Variants in EYS observed in about 807,000 individuals in gnomAD.
EYS encodes EGF-like photoreceptor maintenance factor.
A neutral mutation model predicts 282.1 loss-of-function variants in EYS; 250 were observed. The ratio of observed to expected loss-of-function variants is 0.89; its 90% confidence interval spans 0.80 to 0.98. The LOEUF (loss-of-function observed/expected upper bound fraction) is 0.98. Ranked by LOEUF, EYS falls within the 50% of genes least tolerant of loss-of-function variation. The pLI is 0.00. For synonymous variants in EYS, 1,355 were observed against 1,282.9 expected, an observed-to-expected ratio of 1.06 and a Z score of -1.20; for missense variants, 4,016 against 3,709.0, an observed-to-expected ratio of 1.08 and a Z score of -2.15.
intron 35 of EYS, among the ~76,000 whole-genome samples, chr6:63,974,722 A>G (rs1228038238): frequency 2.0e-5 from 3 of 152,004 alleles, no homozygotes; most frequent in Non-Finnish European, 2.9e-5. Flanking sequence ...AAGGAACACA[A>G]TTTCTTCACA....
At chr6:64,437,171 C>G (rs779531746) in intron 27 of EYS, among the ~76,000 whole-genome samples, 1 of 151,486 alleles carries the variant, frequency 6.6e-6, no homozygotes, top group Admixed American at 6.6e-5. Context: ...TTTAAAAACT[C>G]CAATAAGAAG....
At chr6:63,867,375 C>G (rs183214304) in intron 35 of EYS, among the ~76,000 whole-genome samples, 1 of 151,952 alleles carries the variant, frequency 6.6e-6, no homozygotes, top group Non-Finnish European at 1.5e-5. Context: ...ACATAGAAAC[C>G]TTTTTTTGGA....
rs190289336 is a variant in EYS, at chr6:65,528,361, C to A, written c.-332-32368G>T. Among the ~76,000 whole-genome samples the A allele has an allele frequency of 3.4e-4, 52 of 152,236 alleles. No individual in the cohort carries two copies. The East Asian group carries it at 6.0e-3, about 18-fold the overall frequency. On this transcript the variant is annotated intron_variant, in intron 2 of 42. Coordinates refer to ENST00000503581, the MANE Select transcript of EYS (RefSeq NM_001142800.2). ...AGACAAAATGTATTTGCTGTGCAGG[C>A]TGGGTGTCCTGGTTACAATGAGGAT...
At chr6:65,153,394 T>C (rs568262653) in intron 12 of EYS, among the ~76,000 whole-genome samples, 2 of 151,374 alleles carry the variant, frequency 1.3e-5, no homozygotes, top group African/African-American at 4.8e-5. Context: ...TGTGTGTGTG[T>C]GTGTGTGTGT....
chr6:64,334,670 G>A (rs1770776665), intron 29 of EYS, among the ~76,000 whole-genome samples: 1 of 152,150 alleles, frequency 6.6e-6, no homozygotes, highest in Non-Finnish European at 1.5e-5. Flanking sequence ...ACCCAGAGGA[G>A]AGATGTTATT....
intron 14 of EYS, among the ~76,000 whole-genome samples, chr6:64,962,685 C>T (rs1352082610): frequency 6.6e-6 from 1 of 151,982 alleles, no homozygotes; most frequent in Non-Finnish European, 1.5e-5. Context: ...GAGTTTGAGG[C>T]TGCAATGAGC....
intron 13 of EYS, among the ~76,000 whole-genome samples, chr6:65,013,265 A>C (rs189448419): frequency 6.6e-6 from 1 of 152,274 alleles, no homozygotes. Context: ...TGTATATGAG[A>C]AAATACTCAT....
intron 41 of EYS, among the ~76,000 whole-genome samples, chr6:63,735,942 C>A (rs1193307923): frequency 6.6e-6 from 1 of 152,140 alleles, no homozygotes; most frequent in African/African-American, 2.4e-5. Flanking sequence ...ACCATGTAAT[C>A]TTTGTAGAAA....
chr6:64,867,191 T>A (rs1766448858), intron 19 of EYS, among the ~76,000 whole-genome samples: 1 of 151,044 alleles, frequency 6.6e-6, no homozygotes, highest in South Asian at 2.1e-4. Flanking sequence ...ATGACCGATT[T>A]CCTACAAACT....
intron 26 of EYS, among the ~76,000 whole-genome samples, chr6:64,589,803 T>C (rs768164104): frequency 1.3e-5 from 2 of 152,030 alleles, no homozygotes; most frequent in Non-Finnish European, 2.9e-5. Context: ...AAAGTTCCAG[T>C]GATTTCCTCT....
intron 31 of EYS, among the ~76,000 whole-genome samples, chr6:64,086,966 G>T (rs1772176393): frequency 6.6e-6 from 1 of 152,106 alleles, no homozygotes; most frequent in Non-Finnish European, 1.5e-5. Context: ...AATGATAGAA[G>T]AAAAGCCATA....
In EYS at chr6:65,553,556, A is replaced by G. The variant is rs1582448134; in HGVS notation, c.-332-57563T>C. On this transcript the variant is annotated intron_variant, in intron 2 of 42. Coordinates refer to ENST00000503581, the MANE Select transcript of EYS (RefSeq NM_001142800.2). ...GGAAATCATATTAATAGGAAAAAAA[A>G]GTTTACCTATGAGACTTTTGTTATT... is the stretch of plus-strand genomic sequence containing the variant. Among the ~76,000 whole-genome samples the G allele has an allele frequency of 2.6e-5, 4 of 152,148 alleles. 1 individual carries two copies. The South Asian group carries it at 8.3e-4, about 32-fold the overall frequency.
At chr6:64,720,910 AGC>A (rs1771556965) in intron 22 of EYS, among the ~76,000 whole-genome samples, 1 of 152,188 alleles carries the variant, frequency 6.6e-6, no homozygotes. Context: ...TTTTTATGAA[AGC>A]CTAAAATATG....
At chr6:64,094,663 C>T (rs986620696) in intron 31 of EYS, among the ~76,000 whole-genome samples, 1 of 152,052 alleles carries the variant, frequency 6.6e-6, no homozygotes, top group Non-Finnish European at 1.5e-5. Context: ...CTGTATTAAT[C>T]TTGCTAGTGG....
At chr6:64,538,185 A>T (rs932233417) in intron 26 of EYS, among the ~76,000 whole-genome samples, 1 of 152,174 alleles carries the variant, frequency 6.6e-6, no homozygotes, top group Non-Finnish European at 1.5e-5. Flanking sequence ...GTCTAAGGGA[A>T]CCAAGGTTTT....
In EYS at chr6:65,674,637, C is replaced by T. The variant is rs566497682; in HGVS notation, c.-448+32498G>A. On this transcript the variant is annotated intron_variant, in intron 1 of 42. Coordinates refer to ENST00000503581, the MANE Select transcript of EYS (RefSeq NM_001142800.2). The stretch of plus-strand genomic sequence containing the variant: ...ACCAAGATTACTATATGGAACAAAT[C>T]TGTCCTTCAAAAATGAAAAAGAAAT... Among the ~76,000 whole-genome samples the T allele has an allele frequency of 3.7e-4, 56 of 151,940 alleles. 1 individual carries two copies. In the South Asian group the frequency reaches 0.012, roughly 31 times the overall value.
chr6:64,485,240 T>C (rs1318086891), intron 26 of EYS, among the ~76,000 whole-genome samples: 1 of 151,506 alleles, frequency 6.6e-6, no homozygotes, highest in Non-Finnish European at 1.5e-5. Context: ...AGGGAAATGT[T>C]AGAGAACCCT....
intron 23 of EYS, among the ~76,000 whole-genome samples, chr6:64,619,234 T>G (rs140136493): frequency 1.3e-5 from 2 of 152,196 alleles, no homozygotes; most frequent in South Asian, 4.1e-4. Context: ...TATTTCAAAA[T>G]ATAATTTAAG....
At chr6:65,260,374 C>G (rs142379406) in intron 12 of EYS, among the ~76,000 whole-genome samples, 117 of 152,162 alleles carry the variant, frequency 7.7e-4, no homozygotes, top group Middle Eastern at 3.4e-3. Flanking sequence ...CAGATGCCTG[C>G]TCTACTTTAC....
Sources: gnomAD v4.1 joint callset for allele counts (sites outside exome capture counted in the v4.1 genomes callset) on GRCh38, gnomAD v4.1.1 for gene constraint, MANE v1.5 for transcripts, NCBI Gene and HGNC (gene_info 2026-07-23, HGNC 2026-07-21) for gene names.